MUC21: variants seen among roughly 807,000 people sequenced by gnomAD.
The protein encoded by MUC21 is mucin-21.
MUC21 carries 8 observed loss-of-function variants against 9.1 expected under a neutral mutation model. That is an observed-to-expected ratio of 0.88 (90% CI 0.52 to 1.59). The LOEUF is 1.59. Among genes scored for constraint, MUC21 ranks in the 40% most tolerant of loss-of-function variants. MUC21 has a pLI of 0.00. For missense variants in MUC21, 478 were observed against 694.2 expected, an observed-to-expected ratio of 0.69 and a Z score of 3.50; for synonymous variants, 189 against 275.2, an observed-to-expected ratio of 0.69 and a Z score of 3.10.
intron 1 of MUC21, among the ~76,000 whole-genome samples, chr6:30,984,996 C>CAATA (rs1762188425): frequency 7.0e-6 from 1 of 142,814 alleles, no homozygotes; most frequent in Non-Finnish European, 1.5e-5. Context: ...AATAAATAAG[C>CAATA]AATAAAATAA....
intron 2 of MUC21, 73 bp from the exon 3 acceptor site, chr6:30,987,927 C>A: frequency 1.0e-6 from 1 of 993,080 alleles, no homozygotes; most frequent in Non-Finnish European, 1.6e-6. Context: ...GGAGAAGATT[C>A]CAGAAGGCGT....
Position 30,985,644 on chromosome 6 carries a change from C to A in MUC21, c.62-593C>A, listed in dbSNP as rs547592117. 4.6e-5 allele frequency among the ~76,000 whole-genome samples: 7 copies of A among 152,312 alleles called. No individual in the cohort carries two copies. In the East Asian group the frequency reaches 9.6e-4, roughly 21 times the overall value. ...GGAAAAAGGTTAGCTACCAGTGAAA[C>A]TAGATGATGTAACTCTGGCATTGTG... is the stretch of plus-strand genomic sequence containing the variant. On this transcript the variant is annotated intron_variant, in intron 1 of 2. Transcript: ENST00000376296.
rs1762506847 is a variant in MUC21, at chr6:30,988,858, G to A, written c.*664G>A. On this transcript the variant is annotated 3_prime_UTR_variant, in exon 3 of 3. Coordinates refer to ENST00000376296, the MANE Select transcript of MUC21 (RefSeq NM_001010909.5). ...CCCAGGGCATTTCCATGTGCTCCAGGCCTGACTACCCATCAGGGTGGAGGA... is the reference window on the plus strand; with the variant it reads ...CCCAGGGCATTTCCATGTGCTCCAGACCTGACTACCCATCAGGGTGGAGGA... The A allele has an allele frequency of 6.6e-6, 1 of 152,270 alleles. No individual in the cohort carries two copies. The highest frequency in any genetic ancestry group is 1.5e-5 in the Non-Finnish European group (1 of 68,186). The allele number at this position is 152,270 out of a possible 1,614,324, so 9.4% of individuals were successfully genotyped here. A position where few individuals can be genotyped will look rare whatever the true frequency, so the allele number is the denominator to read the frequency against.
In MUC21 at chr6:30,986,394, C is replaced by CA; in HGVS notation, c.220dup (p.Ile74AsnfsTer6). On this transcript the variant is annotated frameshift_variant, in exon 2 of 3. Transcript: ENST00000376296. LOFTEE classifies it high-confidence loss of function. ...CCAGCGTGACCTCCAATGGGGTCAG[C>CA]ATAGTCACCAACTCTGAGTTCCATA... 1 of 1,612,736 alleles carries CA rather than the reference C, an allele frequency of 6.2e-7. No homozygotes were observed. Among genetic ancestry groups the CA allele is most frequent in the African/African-American group, 1.3e-5 (1 of 74,944 alleles).
chr6:30,983,845 C>T lies in MUC21; in HGVS notation c.-114C>T. The stretch of plus-strand genomic sequence containing the variant: ...AGACCCACGCTCCTGGAAGCACCAG[C>T]CTTTATCTCTTCACCTTCAAGTCCC... On this transcript the variant is annotated 5_prime_UTR_variant, in exon 1 of 3. Transcript: ENST00000376296. 1.5e-6 allele frequency: 1 copy of T among 664,432 alleles called. No homozygotes were observed. Among genetic ancestry groups the T allele is most frequent in the South Asian group, 1.8e-5 (1 of 55,230 alleles). 41.2% of individuals were successfully genotyped at this position (664,432 alleles called of 1,614,324 possible).
chr6:30,983,866 GT>G lies in MUC21; in HGVS notation c.-92del, dbSNP rs1259459352. 1.4e-6 allele frequency: 1 copy of G among 702,718 alleles called. No homozygotes were observed. Among genetic ancestry groups the G allele is most frequent in the Non-Finnish European group, 2.6e-6 (1 of 383,578 alleles). The allele number at this position is 702,718 out of a possible 1,614,324, so 43.5% of individuals were successfully genotyped here. ...CCAGCCTTTATCTCTTCACCTTCAA[GT>G]CCCCTTTCTCAAGAATCCTCTGTTC... On this transcript the variant is annotated 5_prime_UTR_variant, in exon 1 of 3. Coordinates refer to ENST00000376296, the MANE Select transcript of MUC21 (RefSeq NM_001010909.5).
Position 30,988,062 on chromosome 6 carries a change from C to T in MUC21, c.1569C>T (p.Asn523=), listed in dbSNP as rs778913790. 7 of 1,570,474 alleles carry T rather than the reference C, an allele frequency of 4.5e-6. No individual in the cohort carries two copies. In the East Asian group the frequency reaches 1.6e-4, roughly 35 times the overall value. Residue 523 remains asparagine, a synonymous_variant, in exon 3 of 3, where the codon AAC becomes AAT. Coordinates refer to ENST00000376296, the MANE Select transcript of MUC21 (RefSeq NM_001010909.5). The part of the protein sequence containing the change: ...NTAVYHPHGL[N]HGLGPGPGGN... ...CTGTCTACCACCCTCATGGCCTCAA[C>T]CATGGCCTTGGTCCAGGCCCTGGAG...
intron 1 of MUC21, among the ~76,000 whole-genome samples, chr6:30,986,008 G>A (rs1343688406): frequency 6.6e-6 from 1 of 152,034 alleles, no homozygotes; most frequent in Non-Finnish European, 1.5e-5. Flanking sequence ...CAGGTGATCC[G>A]CCCACCTTGG....
chr6:30,988,170 G>A lies in MUC21; in HGVS notation c.1677G>A (p.Met559Ile), dbSNP rs1762470344. Residue 559 changes from methionine to isoleucine, a missense_variant, in exon 3 of 3, where the codon ATG becomes ATA. Coordinates refer to ENST00000376296, the MANE Select transcript of MUC21 (RefSeq NM_001010909.5). ...CAGTATCCTCGATAGCCATGGAGAT[G>A]AGCGGGAGGAACAGCGGGCCCTGAG... ...RRPVSSIAME[M>I]SGRNSGP The A allele has an allele frequency of 1.2e-6, 2 of 1,612,388 alleles. No homozygotes were observed. The highest frequency in any genetic ancestry group is 2.2e-5 in the East Asian group (1 of 44,872).
In MUC21 at chr6:30,986,590, G is replaced by T. The variant is rs372906201; in HGVS notation, c.415G>T (p.Asp139Tyr). ...TGGGGCCAGCACAGCCACCAACTCT[G>T]ACTCCAGCACAACCTCCAGTGGGGC... ...SSGASTATNS[D>Y]SSTTSSGAST... The change falls in exon 2 of 3, where the codon GAC (aspartate) becomes TAC (tyrosine). Residue 139 changes from aspartate to tyrosine, a missense_variant. This residue lies in a region of MUC21 where 53 missense variants were observed against 139.1 expected (regional missense o/e 0.38). Transcript: ENST00000376296. The T allele has an allele frequency of 6.4e-7, 1 of 1,574,608 alleles. No homozygotes were observed. The highest frequency in any genetic ancestry group is 8.6e-7 in the Non-Finnish European group (1 of 1,158,094).
chr6:30,985,148 G>A (rs1762197194), intron 1 of MUC21, among the ~76,000 whole-genome samples: 1 of 151,990 alleles, frequency 6.6e-6, no homozygotes, highest in Non-Finnish European at 1.5e-5. Context: ...CATCCTTCTG[G>A]GAAATCAAGG....
At position 30,987,013 on chromosome 6, in the gene MUC21, A is replaced by G. The variant is rs780325027; in HGVS notation, c.838A>G (p.Ser280Gly). 1 of 1,604,168 alleles carries G rather than the reference A, an allele frequency of 6.2e-7. No individual in the cohort carries two copies. Among genetic ancestry groups the G allele is most frequent in the Non-Finnish European group, 8.5e-7 (1 of 1,173,990 alleles). ...ATNSESSTVS[S>G]GISTVTNSES... The stretch of plus-strand genomic sequence containing the variant: ...CAACTCTGAGTCCAGCACAGTGTCC[A>G]GTGGGATCAGCACAGTCACCAATTC... The change falls in exon 2 of 3, where the codon AGT becomes GGT. Residue 280 changes from serine (S) to glycine (G), a missense_variant. This residue lies in a region of MUC21 where 155 missense variants were observed against 235.2 expected (regional missense o/e 0.66). Transcript: ENST00000376296.
Position 30,986,886 on chromosome 6 carries a change from C to T in MUC21, c.711C>T (p.Ala237=), listed in dbSNP as rs138124420. 7.5e-4 allele frequency: 1,175 copies of T among 1,566,640 alleles called. 1 individual carries two copies. The highest frequency in any genetic ancestry group is 2.1e-3 in the Admixed American group (112 of 54,582). Residue 237 remains alanine, a synonymous_variant, in exon 2 of 3, where the codon GCC becomes GCT. Coordinates refer to ENST00000376296, the MANE Select transcript of MUC21 (RefSeq NM_001010909.5). ...AGTCCAGCACGACCTCCAGTGGGGCCAGCACAGCCACCAACTCTGAGTCCA... is the reference window on the plus strand; with the variant it reads ...AGTCCAGCACGACCTCCAGTGGGGCTAGCACAGCCACCAACTCTGAGTCCA... ...NSESSTTSSG[A]STATNSESST...
chr6:30,984,169 A>G (rs1006948371), intron 1 of MUC21, 150 bp downstream of exon 1: 17 of 595,640 alleles, frequency 2.9e-5, no homozygotes, highest in Non-Finnish European at 4.8e-5. Flanking sequence ...AAGGTATGTC[A>G]TGCAGGAAGC....
intron 1 of MUC21, 48 bp downstream of exon 1, chr6:30,984,067 T>C (rs1762151622): frequency 1.3e-6 from 1 of 776,390 alleles, no homozygotes; most frequent in Non-Finnish European, 2.4e-6. Context: ...CTTTGAGGAG[T>C]TGGGAGAGAA....
At chr6:30,985,308 A>G (rs1762203883) in intron 1 of MUC21, among the ~76,000 whole-genome samples, 1 of 152,202 alleles carries the variant, frequency 6.6e-6, no homozygotes, top group Non-Finnish European at 1.5e-5. Flanking sequence ...AGCCTTGGCC[A>G]TAGTGATCAA....
At chr6:30,985,772 T>C (rs1762218649) in intron 1 of MUC21, among the ~76,000 whole-genome samples, 1 of 152,134 alleles carries the variant, frequency 6.6e-6, no homozygotes. Flanking sequence ...TGGGCCAGTG[T>C]CAACTTTTTT....
intron 1 of MUC21, 61 bp downstream of exon 1, chr6:30,984,080 G>A (rs1762152276): frequency 5.2e-6 from 4 of 774,958 alleles, no homozygotes; most frequent in Non-Finnish European, 9.6e-6. Context: ...GGAGAGAAAT[G>A]TGACCACTAC....
rs1034839897 is a variant in MUC21 at position 30,988,110 on chromosome 6, G to A, written c.1617G>A (p.Arg539=). The change falls in exon 3 of 3, where the codon AGG becomes AGA. Residue 539 remains arginine (R), a synonymous_variant. Transcript: ENST00000376296. ...GAGGGAATCATGGAGCCCCCCACAGGCCCAGGTGGAGTCCTAACTGGTTCT... is the reference window on the plus strand; with the variant it reads ...GAGGGAATCATGGAGCCCCCCACAGACCCAGGTGGAGTCCTAACTGGTTCT... ...GPGGNHGAPH[R]PRWSPNWFWR... is the part of the protein sequence containing the mutation. 1 of 1,612,772 alleles carries A rather than the reference G, an allele frequency of 6.2e-7. No homozygotes were observed. The highest frequency in any genetic ancestry group is 8.5e-7 in the Non-Finnish European group (1 of 1,179,944).
Sources: gnomAD v4.1 joint callset for allele counts (sites outside exome capture counted in the v4.1 genomes callset) on GRCh38, gnomAD v4.1.1 for gene constraint, gnomAD v4.1.1 regional missense constraint, MANE v1.5 for transcripts, NCBI Gene and HGNC (gene_info 2026-07-23, HGNC 2026-07-21) for gene names.